The following SEL1L3 variants were observed in gnomAD, a reference collection of about 807,000 sequenced individuals.
The protein encoded by SEL1L3 is protein sel-1 homolog 3.
A neutral mutation model predicts 142.8 loss-of-function variants in SEL1L3; 76 were observed. The observed-to-expected ratio is 0.53, with a 90% CI of 0.44 to 0.64. The LOEUF (loss-of-function observed/expected upper bound fraction) is 0.64, where lower values mean the gene tolerates loss of function less well. Ranked by LOEUF, SEL1L3 falls within the 30% of genes least tolerant of loss-of-function variation. The probability of loss-of-function intolerance (pLI) is 0.00; values close to 1 mark genes in which losing one functional copy is unlikely to be tolerated. For synonymous variants in SEL1L3, 504 were observed against 519.6 expected (o/e 0.97, Z 0.41); for missense variants, 1,262 against 1,381.7 (o/e 0.91, Z 1.37).
intron 9 of SEL1L3, among the ~76,000 whole-genome samples, chr4:25,805,788 G>A (rs1210027530): frequency 1.3e-5 from 2 of 152,252 alleles, no homozygotes; most frequent in East Asian, 1.9e-4. Flanking sequence ...TGTTACAAAA[G>A]GCCATATAGG....
At position 25,790,503 on chromosome 4, in the gene SEL1L3, G is replaced by A. The variant is rs753370408; in HGVS notation, c.2028C>T (p.Val676=). 6.2e-7 allele frequency: 1 copy of A among 1,613,564 alleles called. No individual in the cohort carries two copies. Among genetic ancestry groups the A allele is most frequent in the South Asian group, 1.1e-5 (1 of 91,060 alleles). The part of the protein sequence containing the change: ...LKVQTKEDGD[V]FMWLKHEATR... Reference sequence around the variant, plus strand: ...TAGCTTCATGCTTCAACCACATAAAGACATCTCCATCTTCTTTGGTTTGTA... The same window carrying A: ...TAGCTTCATGCTTCAACCACATAAAAACATCTCCATCTTCTTTGGTTTGTA... Residue 676 remains valine (V), a synonymous_variant, in exon 12 of 24, where the codon GTC becomes GTT. Coordinates refer to ENST00000399878, the MANE Select transcript of SEL1L3 (RefSeq NM_015187.5).
chr4:25,854,104 G>A (rs13122586), intron 1 of SEL1L3, among the ~76,000 whole-genome samples: 41,390 of 151,730 alleles, frequency 0.27, 9,792 homozygotes, highest in African/African-American at 0.65. Context: ...CTTGGGAAAA[G>A]AAAAATAGCC....
chr4:25,759,139 A>G, intron 20 of SEL1L3, 71 bp from the exon 21 acceptor site: 2 of 1,519,342 alleles, frequency 1.3e-6, no homozygotes, highest in Non-Finnish European at 1.8e-6. Flanking sequence ...CTTCATCAGA[A>G]TGTAAATGTT....
chr4:25,736,243 G>GTGT, the SEL1L3 span, among the ~76,000 whole-genome samples: 1 of 148,298 alleles, frequency 6.7e-6, no homozygotes, highest in Non-Finnish European at 1.5e-5. Context: ...GTGTGTGTGT[G>GTGT]ATGGAGTTTT....
the SEL1L3 span, among the ~76,000 whole-genome samples, chr4:25,723,128 T>A: frequency 6.6e-6 from 1 of 152,152 alleles, no homozygotes; most frequent in Non-Finnish European, 1.5e-5. Flanking sequence ...AGAAGGCCAT[T>A]CCTAGCTGGT....
chr4:25,724,668 C>T, the SEL1L3 span, among the ~76,000 whole-genome samples: 2 of 123,822 alleles, frequency 1.6e-5, no homozygotes, highest in Admixed American at 1.0e-4. Flanking sequence ...ACCCGGGAGG[C>T]GGAGCTTGCA....
intron 2 of SEL1L3, among the ~76,000 whole-genome samples, chr4:25,839,260 A>C (rs968996645): frequency 2.6e-5 from 4 of 152,230 alleles, no homozygotes; most frequent in African/African-American, 9.6e-5. Flanking sequence ...CAGAAAGGAT[A>C]CTAGGCAGTG....
intron 9 of SEL1L3, among the ~76,000 whole-genome samples, chr4:25,817,455 C>G (rs1235886183): frequency 1.3e-5 from 2 of 152,228 alleles, no homozygotes; most frequent in Non-Finnish European, 2.9e-5. Context: ...AGAATATGCA[C>G]TGAATTACTA....
chr4:25,853,664 C>CTTTTTTTT (rs34922528), intron 1 of SEL1L3, among the ~76,000 whole-genome samples: 43 of 83,050 alleles, frequency 5.2e-4, no homozygotes, highest in Admixed American at 9.5e-4. Flanking sequence ...CTCTTCTTAC[C>CTTTTTTTT]TTTTTTTTTT....
At chr4:25,852,553 G>C (rs1273291184) in intron 1 of SEL1L3, among the ~76,000 whole-genome samples, 1 of 152,312 alleles carries the variant, frequency 6.6e-6, no homozygotes, top group Non-Finnish European at 1.5e-5. Flanking sequence ...TGGTGCTGGC[G>C]GAAGCCGAAC....
rs750192748 is a variant in SEL1L3, at chr4:25,833,126, G to A, written c.983-16C>T. Reference sequence around the variant, plus strand: ...TGCAAATAGCCTAAAAGGAAAATTCGAGCACATGAAAATGAGCAAAAAATA... The same window carrying A: ...TGCAAATAGCCTAAAAGGAAAATTCAAGCACATGAAAATGAGCAAAAAATA... On this transcript the variant is annotated splice_polypyrimidine_tract_variant and intron_variant, in intron 4 of 23. Transcript: ENST00000399878. 2.0e-5 allele frequency: 30 copies of A among 1,464,274 alleles called. No individual in the cohort carries two copies. Among genetic ancestry groups the A allele is most frequent in the South Asian group, 1.5e-4 (13 of 87,882 alleles). 90.7% of individuals were successfully genotyped at this position (1,464,274 alleles called of 1,614,324 possible). A position where few individuals can be genotyped will look rare whatever the true frequency, so the allele number is the denominator to read the frequency against.
upstream of SEL1L3, chr4:25,863,378 C>T (rs1359267421): frequency 1.5e-6 from 1 of 678,904 alleles, no homozygotes; most frequent in African/African-American, 1.8e-5. Context: ...CCTCCCTTTC[C>T]TCTTTCTCCC....
intron 15 of SEL1L3, among the ~76,000 whole-genome samples, chr4:25,779,687 C>G (rs533906930): frequency 6.6e-6 from 1 of 152,252 alleles, no homozygotes; most frequent in Non-Finnish European, 1.5e-5. Flanking sequence ...ATTTGCTATG[C>G]ATAAAAATAT....
intron 20 of SEL1L3, among the ~76,000 whole-genome samples, chr4:25,763,950 G>A (rs1314479939): frequency 1.3e-5 from 2 of 152,164 alleles, no homozygotes; most frequent in Non-Finnish European, 2.9e-5. Flanking sequence ...CCAGAAATAC[G>A]TTGCAGCAGA....
chr4:25,807,124 A>G (rs1713641099), intron 9 of SEL1L3, among the ~76,000 whole-genome samples: 1 of 152,192 alleles, frequency 6.6e-6, no homozygotes, highest in Non-Finnish European at 1.5e-5. Context: ...CATTATGAAT[A>G]ACTCTCTGGG....
At chr4:25,860,708 G>C (rs1477256992) in intron 1 of SEL1L3, 1 of 152,344 alleles carries the variant, frequency 6.6e-6, no homozygotes, top group Non-Finnish European at 1.5e-5. Flanking sequence ...GCATACAAAG[G>C]CAGGAAGCAC....
At chr4:25,826,338 C>T (rs1297067821) in intron 6 of SEL1L3, among the ~76,000 whole-genome samples, 1 of 152,200 alleles carries the variant, frequency 6.6e-6, no homozygotes, top group Non-Finnish European at 1.5e-5. Flanking sequence ...TCACACTATC[C>T]TTGTAGGACA....
chr4:25,831,619 G>A (rs755646667), intron 5 of SEL1L3, among the ~76,000 whole-genome samples: 43 of 151,158 alleles, frequency 2.8e-4, no homozygotes, highest in African/African-American at 9.0e-4. Context: ...TCCGCCTCCC[G>A]GATTCAAGCG....
At chr4:25,721,162 T>C in the SEL1L3 span, 2 of 152,156 alleles carry the variant, frequency 1.3e-5, no homozygotes. Flanking sequence ...GGTGAGATTT[T>C]GGTCTCAGAT....
Sources: gnomAD v4.1 joint callset for allele counts (sites outside exome capture counted in the v4.1 genomes callset) on GRCh38, gnomAD v4.1.1 for gene constraint, MANE v1.5 for transcripts, NCBI Gene and HGNC (gene_info 2026-07-23, HGNC 2026-07-21) for gene names.